Variants in MTUS1 observed in about 807,000 individuals in gnomAD.
The protein encoded by MTUS1 is microtubule associated scaffold protein 1.
Under a neutral mutation model 120.8 loss-of-function variants are expected in MTUS1, and 109 were observed. The ratio of observed to expected loss-of-function variants is 0.90; its 90% CI spans 0.77 to 1.06. The LOEUF is 1.06. Ranked by LOEUF, MTUS1 falls within the 50% of genes least tolerant of loss-of-function variation. The pLI is 0.00. For missense variants in MTUS1, 2,210 were observed against 1,486.3 expected, an observed-to-expected ratio of 1.49 and a Z score of -8.01; for synonymous variants, 737 against 550.5, an observed-to-expected ratio of 1.34 and a Z score of -4.74.
intron 1 of MTUS1, chr8:17,800,845 C>G (rs1017012869): frequency 6.6e-6 from 1 of 152,646 alleles, no homozygotes; most frequent in East Asian, 1.9e-4. Context: ...AGATCCGCAT[C>G]CGTCCCTTCC....
intron 8 of MTUS1, among the ~76,000 whole-genome samples, chr8:17,672,437 C>T (rs1384010808): frequency 1.3e-5 from 2 of 152,098 alleles, no homozygotes; most frequent in Admixed American, 6.6e-5. Flanking sequence ...AATGTGGCCC[C>T]GGACAGTGTG....
chr8:17,681,740 T>C (rs1442265415), intron 7 of MTUS1: 1 of 154,728 alleles, frequency 6.5e-6, no homozygotes, highest in African/African-American at 2.4e-5. Context: ...AAAGGGGCAG[T>C]TGTTGCCAAA....
intron 2 of MTUS1, among the ~76,000 whole-genome samples, chr8:17,744,029 CAG>C (rs1563306397): frequency 6.6e-6 from 1 of 152,216 alleles, no homozygotes. Context: ...TCAGACAAAA[CAG>C]ACTCTTTATA....
At chr8:17,685,232 A>G (rs564127879) in intron 6 of MTUS1, among the ~76,000 whole-genome samples, 4 of 152,084 alleles carry the variant, frequency 2.6e-5, no homozygotes, top group African/African-American at 9.6e-5. Flanking sequence ...TTTTTAAAGC[A>G]CATGCTAACA....
intron 8 of MTUS1, among the ~76,000 whole-genome samples, chr8:17,662,855 A>C (rs1292709601): frequency 2.0e-5 from 3 of 151,812 alleles, no homozygotes; most frequent in African/African-American, 7.3e-5. Flanking sequence ...AAAAAAAAAA[A>C]AAGAAAAAGG....
At chr8:17,692,725 G>C (rs975469275) in intron 6 of MTUS1, among the ~76,000 whole-genome samples, 1 of 152,022 alleles carries the variant, frequency 6.6e-6, no homozygotes, top group Non-Finnish European at 1.5e-5. Flanking sequence ...TGGGTGCTGG[G>C]CTTAATACTT....
chr8:17,657,307 G>A (rs1442810256), intron 8 of MTUS1, among the ~76,000 whole-genome samples: 1 of 151,662 alleles, frequency 6.6e-6, no homozygotes. Context: ...GGTGGCTCAC[G>A]CCTGTAATCC....
intron 2 of MTUS1, among the ~76,000 whole-genome samples, chr8:17,744,940 A>C (rs752059255): frequency 3.3e-5 from 5 of 152,180 alleles, no homozygotes; most frequent in Non-Finnish European, 7.3e-5. Flanking sequence ...ACTAACGTGT[A>C]TCTCAAATGT....
rs573061754 is a variant in MTUS1 at position 17,757,215 on chromosome 8, T to C, written c.-154-1254A>G. ...CATTTGACAAAATATTCCTCAGCAA[T>C]AGAAAGGAATGCAATATTGACACAT... On this transcript the variant is annotated intron_variant, in intron 1 of 14. Transcript: ENST00000693296. Among the ~76,000 whole-genome samples the C allele has an allele frequency of 5.9e-5, 9 of 152,100 alleles. No individual in the cohort carries two copies. In the South Asian group the frequency reaches 1.2e-3, roughly 21 times the overall value.
intron 3 of MTUS1, among the ~76,000 whole-genome samples, chr8:17,736,302 G>A (rs899401178): frequency 6.6e-6 from 1 of 152,206 alleles, no homozygotes; most frequent in African/African-American, 2.4e-5. Context: ...GCATGGCCCT[G>A]CTTGGTTGGT....
rs768824954 is a variant in MTUS1 at position 17,754,768 on chromosome 8, T to C, written c.1040A>G (p.Asp347Gly). ...LRETVSYCLI[D>G]DECPLMVPAF... ...TGGCACCATTAAAGGGCATTCATCATCAATAAGACAATAGGACACTGTCTC... is the reference window on the plus strand; with the variant it reads ...TGGCACCATTAAAGGGCATTCATCACCAATAAGACAATAGGACACTGTCTC... The change falls in exon 2 of 15, where the codon GAT (aspartate) becomes GGT (glycine). Residue 347 changes from aspartate (D) to glycine (G), a missense_variant. Asp to Gly is a moderately conservative substitution (Grantham distance 94, BLOSUM62 -1). Coordinates refer to ENST00000693296, the MANE Select transcript of MTUS1 (RefSeq NM_001363059.2). 1.9e-6 allele frequency: 3 copies of C among 1,614,136 alleles called. No homozygotes were observed. The highest frequency in any genetic ancestry group is 2.7e-5 in the African/African-American group (2 of 74,954).
At position 17,755,710 on chromosome 8, in the gene MTUS1, G is replaced by A. The variant is rs373031782; in HGVS notation, c.98C>T (p.Ser33Leu). The A allele has an allele frequency of 5.8e-5, 94 of 1,614,076 alleles. No homozygotes were observed. The highest frequency in any genetic ancestry group is 7.4e-5 in the Non-Finnish European group (87 of 1,180,034). Residue 33 changes from serine (S) to leucine (L), a missense_variant, in exon 2 of 15, where the codon TCA becomes TTA. By Grantham distance (145) the Ser-to-Leu change is moderately radical. Coordinates refer to ENST00000693296, the MANE Select transcript of MTUS1 (RefSeq NM_001363059.2). ...DGNTHAYNPK[S>L]PPTQNSSASS... ...GGCTGAAGAGTTTTGTGTAGGTGGTGATTTCGGGTTGTATGCATGTGTATT... is the reference window on the plus strand; with the variant it reads ...GGCTGAAGAGTTTTGTGTAGGTGGTAATTTCGGGTTGTATGCATGTGTATT...
chr8:17,777,402 G>A (rs540621169), intron 1 of MTUS1, among the ~76,000 whole-genome samples: 2 of 150,642 alleles, frequency 1.3e-5, no homozygotes, highest in South Asian at 4.2e-4. Context: ...TCACACCACT[G>A]TACTCCAGCT....
At chr8:17,695,145 C>T (rs962618811) in intron 6 of MTUS1, among the ~76,000 whole-genome samples, 1 of 152,154 alleles carries the variant, frequency 6.6e-6, no homozygotes, top group Non-Finnish European at 1.5e-5. Flanking sequence ...ATTTCTCGGA[C>T]GTTAAAATGA....
chr8:17,676,594 G>A (rs866913297), intron 7 of MTUS1: 4 of 479,228 alleles, frequency 8.3e-6, no homozygotes, highest in African/African-American at 8.0e-5. Context: ...TATGAAAAAC[G>A]AGAGGCAGGC....
chr8:17,713,075 G>A (rs147597542), intron 6 of MTUS1, 139 bp downstream of exon 6: 21 of 711,692 alleles, frequency 3.0e-5, no homozygotes, highest in Admixed American at 2.6e-4. Context: ...TATGCGACCC[G>A]TCATAAAAAG....
intron 6 of MTUS1, chr8:17,697,462 C>T (rs997975709): frequency 4.6e-6 from 7 of 1,513,576 alleles, no homozygotes; most frequent in African/African-American, 2.8e-5. Flanking sequence ...CAGTACTCTT[C>T]AAGGCCAAGA....
chr8:17,765,874 G>C (rs1412269001), intron 1 of MTUS1, among the ~76,000 whole-genome samples: 2 of 151,628 alleles, frequency 1.3e-5, no homozygotes, highest in African/African-American at 4.9e-5. Flanking sequence ...GGTACCATAG[G>C]GCTTCTAAAT....
chr8:17,687,105 C>A (rs1053551511), intron 6 of MTUS1, among the ~76,000 whole-genome samples: 1 of 152,080 alleles, frequency 6.6e-6, no homozygotes, highest in East Asian at 1.9e-4. Context: ...GAGGAAAGAA[C>A]ACATTGATGT....
Sources: allele counts gnomAD v4.1 joint callset (sites outside exome capture counted in the v4.1 genomes callset), GRCh38; gene constraint gnomAD v4.1.1; transcripts MANE v1.5; gene names NCBI Gene and HGNC (gene_info 2026-07-23, HGNC 2026-07-21).